Variants in PALMD observed in about 807,000 individuals in gnomAD.
PALMD encodes paralemmin-like protein.
A neutral mutation model predicts 56.2 loss-of-function variants in PALMD; 42 were observed. The observed-to-expected ratio is 0.75, with a 90% CI of 0.58 to 0.97. The LOEUF (loss-of-function observed/expected upper bound fraction) is 0.97. Among genes scored for constraint, PALMD ranks in the 50% least tolerant of loss-of-function variants. The pLI, the probability that PALMD is intolerant of heterozygous loss-of-function variation, is 0.00. For synonymous variants in PALMD, 242 were observed against 222.9 expected, an observed-to-expected ratio of 1.09 and a Z score of -0.76; for missense variants, 660 against 643.8, an observed-to-expected ratio of 1.03 and a Z score of -0.27.
chr1:99,693,850 C>T (rs1653717472), intron 7 of PALMD, among the ~76,000 whole-genome samples, 169 bp from the exon 8 acceptor site: 1 of 152,124 alleles, frequency 6.6e-6, no homozygotes, highest in South Asian at 2.1e-4. Context: ...CTAAGTTAAC[C>T]ATAGCTTATT....
In PALMD at chr1:99,689,199, G is replaced by A. The variant is rs1248833003; in HGVS notation, c.939G>A (p.Arg313=). The change falls in exon 7 of 8, where the codon AGG becomes AGA. Residue 313 remains arginine (R), a synonymous_variant. Transcript: ENST00000263174. ...TGGGCAATGGTCTTTCAGAGGAAAG[G>A]GGAAACAACTTCAATCACATCAGTC... ...HNMGNGLSEE[R]GNNFNHISPI... 1.9e-6 allele frequency: 3 copies of A among 1,613,508 alleles called. No homozygotes were observed. Among genetic ancestry groups the A allele is most frequent in the Admixed American group, 3.3e-5 (2 of 59,910 alleles).
At chr1:99,670,358 G>A (rs1018918250) in intron 3 of PALMD, among the ~76,000 whole-genome samples, 1 of 152,144 alleles carries the variant, frequency 6.6e-6, no homozygotes, top group African/African-American at 2.4e-5. Flanking sequence ...AATTTACAAA[G>A]CACTTGAACT....
chr1:99,651,164 C>T (rs1261576497), intron 1 of PALMD, among the ~76,000 whole-genome samples: 1 of 130,262 alleles, frequency 7.7e-6, no homozygotes, highest in Non-Finnish European at 1.6e-5. Flanking sequence ...CAATTTTCCA[C>T]AGTGCTGTAC....
intron 1 of PALMD, among the ~76,000 whole-genome samples, chr1:99,661,313 C>G (rs550663489): frequency 1.3e-5 from 2 of 152,194 alleles, no homozygotes; most frequent in Non-Finnish European, 2.9e-5. Flanking sequence ...ATGTCTCAAA[C>G]AATTCCAGGG....
chr1:99,687,170 T>C lies in PALMD; in HGVS notation c.495T>C (p.Asp165=), dbSNP rs1571075942. 2.5e-6 allele frequency: 4 copies of C among 1,602,688 alleles called. No individual in the cohort carries two copies. Among genetic ancestry groups the C allele is most frequent in the East Asian group, 2.2e-5 (1 of 44,658 alleles). The change falls in exon 6 of 8, where the codon GAT becomes GAC. Residue 165 remains aspartate, a synonymous_variant. Coordinates refer to ENST00000263174, the MANE Select transcript of PALMD (RefSeq NM_017734.5). ...LRKEINEEKE[D]DEQNRKALYA... ...AGGAGATAAATGAAGAAAAAGAAGA[T>C]GATGAACAAAATAGGAAAGGTATAT...
In PALMD at chr1:99,662,439, T is replaced by C. The variant is rs771863695; in HGVS notation, c.126+40T>C. On this transcript the variant is annotated intron_variant, in intron 2 of 7. Transcript: ENST00000263174. ...TAATTTCATTTCAATGATTTTGTAT[T>C]CAAAAATTCTATTGGTACTCAAATT... The C allele has an allele frequency of 3.5e-6, 4 of 1,157,802 alleles. No individual in the cohort carries two copies. In the South Asian group the frequency reaches 5.3e-5, roughly 15 times the overall value. The allele number at this position is 1,157,802 out of a possible 1,614,324, so 71.7% of individuals were successfully genotyped here.
intron 3 of PALMD, among the ~76,000 whole-genome samples, chr1:99,676,879 T>G (rs1653224527): frequency 1.3e-5 from 2 of 152,210 alleles, no homozygotes. Context: ...CCAAATTATC[T>G]ACAAAGATGA....
intron 1 of PALMD, among the ~76,000 whole-genome samples, chr1:99,647,617 A>G (rs915098713): frequency 1.3e-5 from 2 of 152,224 alleles, no homozygotes; most frequent in Non-Finnish European, 2.9e-5. Context: ...CATTAAACTC[A>G]GCCACCATCT....
intron 3 of PALMD, among the ~76,000 whole-genome samples, chr1:99,673,360 C>T (rs899360587): frequency 2.6e-5 from 4 of 152,052 alleles, no homozygotes; most frequent in East Asian, 1.9e-4. Context: ...TCCTCAAACA[C>T]GGGTGAGATA....
Position 99,646,240 on chromosome 1 carries a change from C to A in PALMD, c.-78C>A. 8.9e-7 allele frequency: 1 copy of A among 1,125,812 alleles called. No individual in the cohort carries two copies. The highest frequency in any genetic ancestry group is 1.4e-6 in the Non-Finnish European group (1 of 736,360). The allele number at this position is 1,125,812 out of a possible 1,614,324, so 69.7% of individuals were successfully genotyped here. ...CCCTGCTTCTCTTCTGTCACCCCCGCTCCTCTCCCCCAGGAGGCTCCTTGA... is the reference window on the plus strand; with the variant it reads ...CCCTGCTTCTCTTCTGTCACCCCCGATCCTCTCCCCCAGGAGGCTCCTTGA... On this transcript the variant is annotated 5_prime_UTR_variant, in exon 1 of 8. Transcript: ENST00000263174.
chr1:99,657,887 A>G (rs900956052), intron 1 of PALMD, among the ~76,000 whole-genome samples: 15 of 152,202 alleles, frequency 9.9e-5, no homozygotes, highest in African/African-American at 3.4e-4. Flanking sequence ...TATTCCACTC[A>G]GATGCTACTC....
intron 2 of PALMD, among the ~76,000 whole-genome samples, chr1:99,662,758 T>C (rs1210707205): frequency 6.6e-6 from 1 of 152,164 alleles, no homozygotes; most frequent in Non-Finnish European, 1.5e-5. Flanking sequence ...TTGAAATCAA[T>C]GAAAGGCCAG....
chr1:99,686,739 CAT>C lies in PALMD; in HGVS notation c.316_317del (p.Ile106PhefsTer8). ...TGCAAATCTCAACGAAGGAAGAGGC[CAT>C]TTTAAAGAAACTAAAGTCAATTGAG... Reference protein sequence around the residue: ...ELQISTKEEAILKKLKSIERT... With the variant: ...ELQISTKEEAXLKKLKSIERT... On this transcript the variant is annotated frameshift_variant, in exon 4 of 8. Coordinates refer to ENST00000263174, the MANE Select transcript of PALMD (RefSeq NM_017734.5). LOFTEE classifies it high-confidence loss of function. 1 of 1,608,974 alleles carries C rather than the reference CAT, an allele frequency of 6.2e-7. No individual in the cohort carries two copies.
intron 2 of PALMD, among the ~76,000 whole-genome samples, chr1:99,666,879 C>A (rs983539090): frequency 6.6e-6 from 1 of 152,134 alleles, no homozygotes; most frequent in African/African-American, 2.4e-5. Flanking sequence ...TTAATTTCCT[C>A]ATGCAAATTC....
At chr1:99,673,261 T>G (rs12062108) in intron 3 of PALMD, among the ~76,000 whole-genome samples, 1,599 of 151,808 alleles carry the variant, frequency 0.011, 30 homozygotes, top group African/African-American at 0.037. Flanking sequence ...TCAAAGTTTA[T>G]CTTATTATTA....
intron 1 of PALMD, among the ~76,000 whole-genome samples, chr1:99,647,818 T>C (rs1250692918): frequency 6.6e-6 from 1 of 152,242 alleles, no homozygotes; most frequent in African/African-American, 2.4e-5. Flanking sequence ...ACCCTTGTTC[T>C]GAATTTGCCT....
rs1557666490 is a variant in PALMD, at chr1:99,652,689, G to GAAAAGAAAA, written c.45+6327_45+6328insAAAAGAAAA. On this transcript the variant is annotated intron_variant, in intron 1 of 7. Transcript: ENST00000263174. ...GGAAAGGAAAGGAAAGGAAAGGAAA[G>GAAAAGAAAA]GAAAGGAAAAGAAAAGAAAAGAAAA... Among the ~76,000 whole-genome samples, 115 of 56,476 alleles carry GAAAAGAAAA rather than the reference G, an allele frequency of 2.0e-3. 1 individual carries two copies. Among genetic ancestry groups the GAAAAGAAAA allele is most frequent in the African/African-American group, 7.2e-3 (108 of 15,092 alleles). 37.1% of individuals were successfully genotyped at this position (56,476 alleles called of 152,430 possible).
intron 3 of PALMD, chr1:99,684,199 G>A (rs975708009): frequency 6.6e-6 from 1 of 152,066 alleles, no homozygotes; most frequent in Non-Finnish European, 1.5e-5. Context: ...ACCAAATCTA[G>A]CCCTGGCCTG....
intron 2 of PALMD, among the ~76,000 whole-genome samples, chr1:99,663,720 G>C (rs1431897115): frequency 6.6e-6 from 1 of 152,120 alleles, no homozygotes; most frequent in Non-Finnish European, 1.5e-5. Flanking sequence ...TGCAGAATGG[G>C]TAGCCACAAA....
Sources: allele counts gnomAD v4.1 joint callset (sites outside exome capture counted in the v4.1 genomes callset), GRCh38; gene constraint gnomAD v4.1.1; transcripts MANE v1.5; gene names NCBI Gene and HGNC (gene_info 2026-07-23, HGNC 2026-07-21).